The following TATDN1 variants were observed in gnomAD, a reference collection of about 807,000 sequenced individuals.
TATDN1 encodes the protein deoxyribonuclease TATDN1.
In TATDN1, 40 loss-of-function variants were observed where a neutral mutation model predicts 46.4. That is an observed-to-expected ratio of 0.86 (90% CI 0.67 to 1.12). TATDN1 has a LOEUF of 1.12. Ranked by LOEUF, TATDN1 falls within the 50% of genes most tolerant of loss-of-function variation. The probability of loss-of-function intolerance (pLI) is 0.00; values close to 1 mark genes in which losing one functional copy is unlikely to be tolerated. For missense variants in TATDN1, 326 were observed against 348.4 expected (o/e 0.94, Z 0.51); for synonymous variants, 95 against 105.6 (o/e 0.90, Z 0.62).
At chr8:124,522,424 C>T (rs988154108) in intron 2 of TATDN1, among the ~76,000 whole-genome samples, 11 of 151,278 alleles carry the variant, frequency 7.3e-5, no homozygotes, top group Admixed American at 5.3e-4. Context: ...ATAATGAGTT[C>T]TTTTTTTTTG....
intron 9 of TATDN1, among the ~76,000 whole-genome samples, chr8:124,496,459 T>A (rs1817476693): frequency 1.3e-5 from 2 of 152,210 alleles, no homozygotes; most frequent in South Asian, 4.1e-4. Context: ...ACTGAATAGT[T>A]TCACGGTCTT....
At chr8:124,504,062 T>C (rs1563655300) in intron 9 of TATDN1, 3 of 806,430 alleles carry the variant, frequency 3.7e-6, no homozygotes, top group South Asian at 1.9e-5. Context: ...TAGAACATAA[T>C]GTAGTAGTCT....
At chr8:124,491,975 CTT>C (rs374261084) in intron 11 of TATDN1, among the ~76,000 whole-genome samples, 13 of 136,466 alleles carry the variant, frequency 9.5e-5, no homozygotes, top group Admixed American at 2.2e-4. Flanking sequence ...CTTCACAGTT[CTT>C]TTTTTTTTTT....
intron 9 of TATDN1, among the ~76,000 whole-genome samples, chr8:124,502,550 GA>G (rs770548288): frequency 6.6e-6 from 1 of 152,126 alleles, no homozygotes; most frequent in Non-Finnish European, 1.5e-5. Context: ...TAATTCCCAT[GA>G]AAACATCCTC....
intron 3 of TATDN1, 31 bp downstream of exon 3, chr8:124,522,120 A>G (rs1820098767): frequency 6.6e-7 from 1 of 1,517,548 alleles, no homozygotes; most frequent in African/African-American, 1.4e-5. Flanking sequence ...ATGAATTTTA[A>G]AAATCTCAAA....
At chr8:124,533,579 G>T (rs140467595) in intron 1 of TATDN1, among the ~76,000 whole-genome samples, 3 of 152,160 alleles carry the variant, frequency 2.0e-5, no homozygotes, top group African/African-American at 7.2e-5. Context: ...GCAGTTGGCT[G>T]AAGTCAGCAG....
intron 8 of TATDN1, among the ~76,000 whole-genome samples, chr8:124,507,820 C>CA (rs1349426585): frequency 1.4e-5 from 2 of 144,262 alleles, no homozygotes; most frequent in South Asian, 4.5e-4. Flanking sequence ...ACACAAAAAA[C>CA]AAAAAAAATT....
intron 9 of TATDN1, among the ~76,000 whole-genome samples, chr8:124,499,316 T>C (rs1817742329): frequency 6.6e-6 from 1 of 152,184 alleles, no homozygotes. Flanking sequence ...GTATGGATAG[T>C]ATATTTAGAA....
chr8:124,501,613 A>G (rs1817969373), intron 9 of TATDN1, among the ~76,000 whole-genome samples: 1 of 152,236 alleles, frequency 6.6e-6, no homozygotes, highest in South Asian at 2.1e-4. Flanking sequence ...TAGAGTATTC[A>G]GAAATTGAAA....
At chr8:124,511,262 C>T (rs1311659693) in intron 6 of TATDN1, among the ~76,000 whole-genome samples, 1 of 152,128 alleles carries the variant, frequency 6.6e-6, no homozygotes, top group African/African-American at 2.4e-5. Flanking sequence ...GCTTCAGGAG[C>T]AGTTGTTATT....
In TATDN1 at chr8:124,539,065, TC is replaced by T. The variant is rs761122031; in HGVS notation, c.-20del. On this transcript the variant is annotated 5_prime_UTR_variant, in exon 1 of 12. Coordinates refer to ENST00000276692, the MANE Select transcript of TATDN1 (RefSeq NM_032026.4). ...GACTCATGACTGCGCATGGAGGACCTCCCCAGCGGAAGCGGAAGTGGCCGCC... is the reference window on the plus strand; with the variant it reads ...GACTCATGACTGCGCATGGAGGACCTCCCAGCGGAAGCGGAAGTGGCCGCC... 1.2e-6 allele frequency: 2 copies of T among 1,612,022 alleles called. No homozygotes were observed. The highest frequency in any genetic ancestry group is 3.3e-5 in the Admixed American group (2 of 59,948).
At chr8:124,520,543 C>T (rs1002417574) in intron 3 of TATDN1, among the ~76,000 whole-genome samples, 8 of 151,936 alleles carry the variant, frequency 5.3e-5, no homozygotes, top group East Asian at 1.9e-4. Flanking sequence ...ATTTAAATTA[C>T]GTAAAATACT....
intron 9 of TATDN1, among the ~76,000 whole-genome samples, chr8:124,499,605 G>GT (rs1817767415): frequency 6.6e-6 from 1 of 151,596 alleles, no homozygotes; most frequent in African/African-American, 2.4e-5. Flanking sequence ...AGTTCAGTGG[G>GT]TGATCTCGGC....
chr8:124,496,345 C>T (rs1452746915), intron 9 of TATDN1, among the ~76,000 whole-genome samples: 1 of 152,168 alleles, frequency 6.6e-6, no homozygotes, highest in Non-Finnish European at 1.5e-5. Flanking sequence ...TGACACAAAA[C>T]TGTCACCCAA....
At chr8:124,488,854 T>C (rs1816649764) in intron 11 of TATDN1, 158 bp from the exon 12 acceptor site, 1 of 597,734 alleles carries the variant, frequency 1.7e-6, no homozygotes, top group African/African-American at 1.9e-5. Context: ...ATAGAAAAAC[T>C]TACTGCCAGT....
intron 6 of TATDN1, among the ~76,000 whole-genome samples, chr8:124,510,030 C>CA (rs60271665): frequency 0.11 from 11,695 of 110,028 alleles, 560 homozygotes; most frequent in East Asian, 0.19. Flanking sequence ...CATTCTGTCT[C>CA]AAAAAAAAAA....
At chr8:124,536,994 ATAT>A (rs960979734) in intron 1 of TATDN1, among the ~76,000 whole-genome samples, 13 of 152,206 alleles carry the variant, frequency 8.5e-5, no homozygotes, top group Non-Finnish European at 1.5e-4. Context: ...CAAACTTTTA[ATAT>A]GGTTACTTTA....
rs569968691 is a variant in TATDN1, at chr8:124,522,438, C to T, written c.89-238G>A. Among the ~76,000 whole-genome samples the T allele has an allele frequency of 5.9e-5, 9 of 151,828 alleles. 1 individual carries two copies. The South Asian group carries it at 1.5e-3, about 25-fold the overall frequency. The stretch of plus-strand genomic sequence containing the variant: ...CATAATGAGTTCTTTTTTTTTGAGA[C>T]GGAGTTTCGTTCTTGTTGCCCAGGC... On this transcript the variant is annotated intron_variant, in intron 2 of 11. Transcript: ENST00000276692.
chr8:124,524,339 T>G (rs1049809172), intron 1 of TATDN1, among the ~76,000 whole-genome samples: 6 of 152,168 alleles, frequency 3.9e-5, no homozygotes, highest in African/African-American at 1.4e-4. Context: ...AAAGGGCTAT[T>G]AACATATAAA....
Sources: allele counts gnomAD v4.1 joint callset (sites outside exome capture counted in the v4.1 genomes callset), GRCh38; gene constraint gnomAD v4.1.1; transcripts MANE v1.5; gene names NCBI Gene and HGNC (gene_info 2026-07-23, HGNC 2026-07-21).